HDAC9: variants seen among roughly 807,000 people sequenced by gnomAD.
HDAC9 encodes the protein MEF-2 interacting transcription repressor (MITR) protein.
HDAC9 carries 41 observed loss-of-function variants against 139.4 expected under a neutral mutation model. The observed-to-expected ratio is 0.29, with a 90% CI of 0.23 to 0.38. The LOEUF is 0.38. Among genes scored for constraint, HDAC9 ranks in the 10% least tolerant of loss-of-function variants. The pLI is 1.00. For synonymous variants in HDAC9, 517 were observed against 476.2 expected (o/e 1.09, Z -1.12); for missense variants, 1,147 against 1,297.0 (o/e 0.88, Z 1.78).
chr7:18,984,283 G>C (rs142937822), intron 25 of HDAC9, among the ~76,000 whole-genome samples: 11 of 152,224 alleles, frequency 7.2e-5, no homozygotes, highest in African/African-American at 2.4e-4. Context: ...GAGAGTATAT[G>C]AGTGCAAACT....
intron 6 of HDAC9, among the ~76,000 whole-genome samples, chr7:18,616,940 C>T (rs556649021): frequency 3.0e-4 from 46 of 152,238 alleles, no homozygotes; most frequent in African/African-American, 9.9e-4. Context: ...AGTAATTAGA[C>T]GTTTAAAAAA....
At chr7:18,705,875 A>G (rs921531395) in intron 12 of HDAC9, among the ~76,000 whole-genome samples, 1 of 145,628 alleles carries the variant, frequency 6.9e-6, no homozygotes, top group Admixed American at 6.9e-5. Flanking sequence ...AAAATAAAAT[A>G]AAATAAAAGA....
At chr7:18,519,308 A>G (rs1427043042) in intron 2 of HDAC9, among the ~76,000 whole-genome samples, 9 of 152,224 alleles carry the variant, frequency 5.9e-5, no homozygotes, top group Admixed American at 5.9e-4. Flanking sequence ...AAATTAAATG[A>G]CAAATTATGA....
chr7:18,799,498 A>C (rs1019286101), intron 17 of HDAC9, among the ~76,000 whole-genome samples: 3 of 152,200 alleles, frequency 2.0e-5, no homozygotes, highest in African/African-American at 7.2e-5. Context: ...TATTTTTAAT[A>C]ATTTAAAGAA....
At chr7:18,329,620 G>C (rs1035661397) in intron 1 of HDAC9, among the ~76,000 whole-genome samples, 2 of 151,362 alleles carry the variant, frequency 1.3e-5, no homozygotes, top group Non-Finnish European at 3.0e-5. Context: ...ACTGGTCTCT[G>C]ATATTCTGTG....
chr7:18,595,232 T>G (rs1399730582), intron 6 of HDAC9, among the ~76,000 whole-genome samples: 1 of 152,072 alleles, frequency 6.6e-6, no homozygotes, highest in African/African-American at 2.4e-5. Context: ...ATTTTTGCAT[T>G]TCTACTAAAA....
intron 11 of HDAC9, among the ~76,000 whole-genome samples, chr7:18,657,565 A>C (rs1791631645): frequency 6.6e-6 from 1 of 152,190 alleles, no homozygotes; most frequent in African/African-American, 2.4e-5. Context: ...AATTTTTAAA[A>C]GGACATAAAA....
At chr7:18,141,175 A>G (rs1280761864) in intron 1 of HDAC9, among the ~76,000 whole-genome samples, 4 of 152,198 alleles carry the variant, frequency 2.6e-5, no homozygotes, top group East Asian at 3.8e-4. Flanking sequence ...AGTAAACTGT[A>G]TTGTTCCCTT....
At chr7:18,957,222 G>A (rs975413307) in intron 24 of HDAC9, among the ~76,000 whole-genome samples, 5 of 152,126 alleles carry the variant, frequency 3.3e-5, no homozygotes, top group African/African-American at 1.2e-4. Flanking sequence ...CTGTGGCTTT[G>A]ACCACCGTGT....
At chr7:18,898,571 G>A (rs928588837) in intron 22 of HDAC9, among the ~76,000 whole-genome samples, 1 of 151,836 alleles carries the variant, frequency 6.6e-6, no homozygotes, top group Non-Finnish European at 1.5e-5. Context: ...GAGAGAGGCA[G>A]TATCTCATTT....
intron 2 of HDAC9, among the ~76,000 whole-genome samples, chr7:18,549,289 C>T (rs1321489073): frequency 6.6e-6 from 1 of 152,122 alleles, no homozygotes; most frequent in Non-Finnish European, 1.5e-5. Flanking sequence ...AGCAATTGCA[C>T]TTCTGGAAAT....
At chr7:18,353,478 G>A (rs1168877645) in intron 1 of HDAC9, among the ~76,000 whole-genome samples, 1 of 152,118 alleles carries the variant, frequency 6.6e-6, no homozygotes, top group Non-Finnish European at 1.5e-5. Context: ...TTAAGTAAAT[G>A]ACTTTCTTCC....
chr7:18,829,263 G>A (rs1240538201), intron 18 of HDAC9, 47 bp downstream of exon 18: 1 of 1,427,112 alleles, frequency 7.0e-7, no homozygotes, highest in South Asian at 1.1e-5. Flanking sequence ...ACGGTTCCTG[G>A]CGGTCACCTG....
intron 21 of HDAC9, among the ~76,000 whole-genome samples, chr7:18,851,686 G>A (rs1797311647): frequency 6.6e-6 from 1 of 152,096 alleles, no homozygotes; most frequent in Non-Finnish European, 1.5e-5. Context: ...ACATTTGTAC[G>A]ATGTGCTTTT....
At position 18,999,290 on chromosome 7, in the gene HDAC9, A is replaced by G. The variant is rs1396070550; in HGVS notation, c.*3228A>G. 2 of 152,220 alleles carry G rather than the reference A, an allele frequency of 1.3e-5. No homozygotes were observed. The highest frequency in any genetic ancestry group is 2.9e-5 in the Non-Finnish European group (2 of 68,056). 9.4% of individuals were successfully genotyped at this position (152,220 alleles called of 1,614,324 possible). Reference sequence around the variant, plus strand: ...ATCTCCTCCCACAAAGGCTTCAGAAATTACAGGACTGGTCTCTCTTAATAG... The same window carrying G: ...ATCTCCTCCCACAAAGGCTTCAGAAGTTACAGGACTGGTCTCTCTTAATAG... On this transcript the variant is annotated 3_prime_UTR_variant, in exon 26 of 26. Transcript: ENST00000686413.
intron 14 of HDAC9, among the ~76,000 whole-genome samples, chr7:18,749,458 A>G (rs1414701107): frequency 1.3e-5 from 2 of 152,172 alleles, no homozygotes; most frequent in Non-Finnish European, 2.9e-5. Context: ...ACTCTTTGCT[A>G]AGTAATTATT....
At chr7:18,689,589 A>G (rs1782528397) in intron 12 of HDAC9, among the ~76,000 whole-genome samples, 1 of 152,004 alleles carries the variant, frequency 6.6e-6, no homozygotes, top group Non-Finnish European at 1.5e-5. Flanking sequence ...AACTAAAGGT[A>G]AAGTTTTGTT....
Position 18,296,887 on chromosome 7 carries a change from C to T in HDAC9, c.-42+6372C>T, listed in dbSNP as rs114601730. On this transcript the variant is annotated intron_variant, in intron 1 of 3. Transcript: ENST00000413509. ...AGAATGGAGGTTTTATGAACAGAAT[C>T]ACAGAAGGAGGCAGGGGACAAGAAG... Among the ~76,000 whole-genome samples the T allele has an allele frequency of 6.4e-3, 976 of 152,200 alleles. 12 individuals are homozygous for T. The highest frequency in any genetic ancestry group is 0.022 in the African/African-American group (917 of 41,494).
chr7:18,752,131 TA>T (rs1788503839), intron 14 of HDAC9, among the ~76,000 whole-genome samples: 1 of 152,104 alleles, frequency 6.6e-6, no homozygotes, highest in Non-Finnish European at 1.5e-5. Flanking sequence ...CCGTGAAAAA[TA>T]CAACACAAAT....
Sources: gnomAD v4.1 joint callset for allele counts (sites outside exome capture counted in the v4.1 genomes callset) on GRCh38, gnomAD v4.1.1 for gene constraint, MANE v1.5 for transcripts, NCBI Gene and HGNC (gene_info 2026-07-23, HGNC 2026-07-21) for gene names.